Variants in PLS3 observed in about 807,000 individuals in gnomAD.
PLS3 encodes the protein plastin-3.
PLS3 carries 11 observed loss-of-function variants against 46.5 expected under a neutral mutation model. The ratio of observed to expected loss-of-function variants is 0.24; its 90% CI spans 0.15 to 0.39. The LOEUF (loss-of-function observed/expected upper bound fraction) is 0.39, where lower values mean the gene tolerates loss of function less well. Among genes scored for constraint, PLS3 ranks in the 10% least tolerant of loss-of-function variants. The probability of loss-of-function intolerance (pLI) is 1.00; values close to 1 mark genes in which losing one functional copy is unlikely to be tolerated. For missense variants in PLS3, 308 were observed against 461.8 expected (o/e 0.67, Z 3.05); for synonymous variants, 167 against 162.2 (o/e 1.03, Z -0.22).
Position 115,622,258 on chromosome X carries a change from A to G in PLS3, c.86A>G (p.Asn29Ser), listed in dbSNP as rs145235506. 39 of 1,197,593 alleles carry G rather than the reference A, an allele frequency of 3.3e-5. No individual in the cohort carries two copies. The African/African-American group carries it at 6.5e-4, about 20-fold the overall frequency. Residue 29 changes from asparagine (N) to serine (S), a missense_variant, in exon 3 of 16, where the codon AAC becomes AGC. Physicochemically the swap from Asn to Ser is conservative, Grantham distance 46. This residue lies in a region of PLS3 where 37 missense variants were observed against 26.1 expected (regional missense o/e 1.42). Transcript: ENST00000355899. ...CTTTTTTACAAAGATCTCAACAGCA[A>G]CGGATTCATTTGTGACTATGAACTT... ...EAFAKVDLNS[N>S]GFICDYELHE...
chrX:115,591,642 A>G (rs1482175148), intron 1 of PLS3, among the ~76,000 whole-genome samples: 1 of 111,961 alleles, frequency 8.9e-6, no homozygotes, highest in East Asian at 2.8e-4. Context: ...CTAAACTGAT[A>G]CTGTCTTCTT....
chrX:115,592,561 A>G (rs1392267470), intron 1 of PLS3, among the ~76,000 whole-genome samples: 2 of 111,490 alleles, frequency 1.8e-5, no homozygotes, highest in Admixed American at 1.9e-4. Context: ...CAGTGCTCCA[A>G]CTGATTGTTC....
intron 10 of PLS3, among the ~76,000 whole-genome samples, chrX:115,644,599 AAAATAAATAAATAAAT>A (rs57763072): frequency 1.0e-5 from 1 of 99,325 alleles, no homozygotes; most frequent in African/African-American, 3.6e-5. Flanking sequence ...CTCCATCTCA[AAAATAAATAAATAAAT>A]AAATAAATAA....
chrX:115,630,001 C>CA, intron 5 of PLS3, 34 bp downstream of exon 5: 1 of 1,034,410 alleles, frequency 9.7e-7, no homozygotes, highest in Non-Finnish European at 1.3e-6. Context: ...TCCAGATATC[C>CA]AAAAATAGCC....
intron 1 of PLS3, among the ~76,000 whole-genome samples, chrX:115,587,006 C>T (rs1048514209): frequency 8.9e-6 from 1 of 112,162 alleles, no homozygotes; most frequent in African/African-American, 3.2e-5. Flanking sequence ...GAATAAAGCA[C>T]CAGTTTTCAA....
At chrX:115,649,290 G>A (rs2074981874) in intron 15 of PLS3, 139 bp from the exon 16 acceptor site, 1 of 430,480 alleles carries the variant, frequency 2.3e-6, no homozygotes, top group East Asian at 4.2e-5. Context: ...AAAACAAAAA[G>A]CAAAACTGTT....
intron 1 of PLS3, among the ~76,000 whole-genome samples, chrX:115,598,789 A>G (rs892522466): frequency 3.6e-5 from 4 of 112,054 alleles, no homozygotes; most frequent in Non-Finnish European, 5.6e-5. Flanking sequence ...TGTCATATGT[A>G]GGAATGAATG....
chrX:115,628,779 T>C (rs1478602466), intron 3 of PLS3, among the ~76,000 whole-genome samples: 4 of 112,291 alleles, frequency 3.6e-5, no homozygotes, highest in African/African-American at 1.3e-4. Flanking sequence ...TACTGTAAAA[T>C]AGTTTTTTGG....
chrX:115,626,249 A>G (rs1378251948), intron 3 of PLS3, among the ~76,000 whole-genome samples: 5 of 111,029 alleles, frequency 4.5e-5, no homozygotes, highest in African/African-American at 1.3e-4. Flanking sequence ...AATCAATATC[A>G]TAGACACAAA....
At chrX:115,639,534 T>G in intron 8 of PLS3, among the ~76,000 whole-genome samples, 1 of 111,977 alleles carries the variant, frequency 8.9e-6, no homozygotes, top group Non-Finnish European at 1.9e-5. Context: ...CTTCATAGCC[T>G]GTCTGGACCT....
chrX:115,602,317 T>C (rs1323888792), intron 1 of PLS3, among the ~76,000 whole-genome samples: 1 of 112,054 alleles, frequency 8.9e-6, no homozygotes, highest in African/African-American at 3.2e-5. Context: ...AAGTTAATGC[T>C]TGATTAATAT....
At chrX:115,584,348 C>T (rs1401469075) in intron 1 of PLS3, among the ~76,000 whole-genome samples, 2 of 111,825 alleles carry the variant, frequency 1.8e-5, no homozygotes, top group Non-Finnish European at 3.8e-5. Context: ...GACAAAAAAT[C>T]ACTGCCCTCT....
intron 2 of PLS3, chrX:115,610,776 G>A: frequency 3.0e-6 from 2 of 664,686 alleles, no homozygotes; most frequent in South Asian, 9.5e-5. Flanking sequence ...CTTTTTTATG[G>A]GTTTTCTGTG....
intron 2 of PLS3, chrX:115,614,547 A>AGAAGCAAACCCCATGTTTAGC: frequency 1.3e-6 from 1 of 753,237 alleles, no homozygotes; most frequent in Non-Finnish European, 1.6e-6. Flanking sequence ...ATAAGCTGTG[A>AGAAGCAAACCCCATGTTTAGC]GAAGCAAACC....
At chrX:115,628,964 T>G (rs1169273298) in intron 3 of PLS3, among the ~76,000 whole-genome samples, 2 of 111,828 alleles carry the variant, frequency 1.8e-5, no homozygotes, top group African/African-American at 6.5e-5. Context: ...GTTCAATGCA[T>G]GTAGCGCTTA....
chrX:115,636,507 C>A (rs1200473918), intron 7 of PLS3, among the ~76,000 whole-genome samples: 3 of 111,655 alleles, frequency 2.7e-5, no homozygotes, highest in African/African-American at 9.8e-5. Flanking sequence ...CACCCAGACC[C>A]AAATCCTTGA....
At chrX:115,586,721 T>A (rs1237960153) in intron 1 of PLS3, among the ~76,000 whole-genome samples, 2 of 110,506 alleles carry the variant, frequency 1.8e-5, no homozygotes, top group African/African-American at 3.3e-5. Context: ...GTACATGTTA[T>A]GTCATGACTG....
chrX:115,562,004 C>A (rs782731982), intron 1 of PLS3, among the ~76,000 whole-genome samples: 4 of 110,936 alleles, frequency 3.6e-5, no homozygotes, highest in Admixed American at 2.9e-4. Flanking sequence ...CCCCACACCC[C>A]CTGTCCTTTT....
chrX:115,641,125 A>G (rs2074890491), intron 9 of PLS3, among the ~76,000 whole-genome samples: 1 of 110,283 alleles, frequency 9.1e-6, no homozygotes, highest in Non-Finnish European at 1.9e-5. Context: ...TACCCATTAG[A>G]TATGGAATGC....
Sources: allele counts gnomAD v4.1 joint callset (sites outside exome capture counted in the v4.1 genomes callset), GRCh38; gene constraint gnomAD v4.1.1; regional missense constraint gnomAD v4.1.1; transcripts MANE v1.5; gene names NCBI Gene and HGNC (gene_info 2026-07-23, HGNC 2026-07-21).